Variants in ADGRL3 observed in about 807,000 individuals in gnomAD.
The protein encoded by ADGRL3 is adhesion G protein-coupled receptor L3.
A neutral mutation model predicts 153.5 loss-of-function variants in ADGRL3; 62 were observed. That is an observed-to-expected ratio of 0.40 (90% CI 0.33 to 0.50). The LOEUF is 0.50. ADGRL3 is among the 20% of genes least tolerant of loss of function. The probability of loss-of-function intolerance (pLI) is 0.47; values close to 1 mark genes in which losing one functional copy is unlikely to be tolerated. For synonymous variants in ADGRL3, 710 were observed against 672.5 expected (o/e 1.06, Z -0.86); for missense variants, 1,641 against 1,859.4 (o/e 0.88, Z 2.16).
chr4:61,780,097 G>C (rs933337625), intron 8 of ADGRL3, among the ~76,000 whole-genome samples: 1 of 152,224 alleles, frequency 6.6e-6, no homozygotes, highest in African/African-American at 2.4e-5. Context: ...TTAAGAAGCT[G>C]TGGAGCAATA....
chr4:61,656,704 T>A (rs1188946714), intron 5 of ADGRL3, among the ~76,000 whole-genome samples: 4 of 152,202 alleles, frequency 2.6e-5, no homozygotes, highest in African/African-American at 9.6e-5. Context: ...GGGTCACTAC[T>A]GACAGAAAGG....
intron 5 of ADGRL3, among the ~76,000 whole-genome samples, chr4:61,644,162 T>A (rs996226603): frequency 7.1e-6 from 1 of 139,912 alleles, no homozygotes; most frequent in African/African-American, 2.7e-5. Context: ...TTATTGTGTC[T>A]ATTTGATTCT....
intron 9 of ADGRL3, among the ~76,000 whole-genome samples, chr4:61,840,261 G>C (rs981736795): frequency 6.6e-6 from 1 of 151,738 alleles, no homozygotes; most frequent in African/African-American, 2.4e-5. Flanking sequence ...TGTATTTTTT[G>C]TGGAGACGGT....
intron 9 of ADGRL3, among the ~76,000 whole-genome samples, chr4:61,857,513 G>A (rs1334700214): frequency 2.6e-5 from 4 of 152,112 alleles, no homozygotes; most frequent in Non-Finnish European, 4.4e-5. Context: ...TAAGAGTGGT[G>A]TCAAAACAGC....
intron 17 of ADGRL3, among the ~76,000 whole-genome samples, chr4:61,978,382 CTTTAAATA>C (rs1311093364): frequency 2.6e-5 from 4 of 151,584 alleles, no homozygotes; most frequent in African/African-American, 9.7e-5. Flanking sequence ...ATGTTTGTGA[CTTTAAATA>C]TAGTACACTG....
chr4:61,411,799 A>G (rs1341789371), intron 2 of ADGRL3, among the ~76,000 whole-genome samples: 1 of 152,192 alleles, frequency 6.6e-6, no homozygotes, highest in Non-Finnish European at 1.5e-5. Flanking sequence ...GTCAGGAAAT[A>G]CTTGGGGTAT....
chr4:61,602,268 A>G (rs2099015243), intron 5 of ADGRL3, among the ~76,000 whole-genome samples: 1 of 152,128 alleles, frequency 6.6e-6, no homozygotes, highest in Non-Finnish European at 1.5e-5. Context: ...CTTTTCCAGA[A>G]AAACCCACTT....
intron 5 of ADGRL3, among the ~76,000 whole-genome samples, chr4:61,645,286 T>TGCTCCAATTTAA (rs2093918212): frequency 6.6e-6 from 1 of 152,046 alleles, no homozygotes. Flanking sequence ...TCTATTTACA[T>TGCTCCAATTTAA]TTAAAGTTAA....
At chr4:61,747,394 GA>G (rs1307278072) in intron 8 of ADGRL3, among the ~76,000 whole-genome samples, 2 of 151,956 alleles carry the variant, frequency 1.3e-5, no homozygotes, top group Non-Finnish European at 2.9e-5. Flanking sequence ...GCCTGGCAGA[GA>G]CACAACCAAA....
intron 4 of ADGRL3, among the ~76,000 whole-genome samples, chr4:61,585,653 CAGTT>C (rs1197278436): frequency 2.0e-5 from 3 of 152,098 alleles, no homozygotes; most frequent in African/African-American, 7.2e-5. Context: ...ACTTATTTGA[CAGTT>C]AGTAAACGCT....
At chr4:61,603,380 A>G (rs1195318693) in intron 5 of ADGRL3, among the ~76,000 whole-genome samples, 4 of 152,184 alleles carry the variant, frequency 2.6e-5, no homozygotes, top group African/African-American at 9.7e-5. Flanking sequence ...AATGAGTTAC[A>G]CTTGTAAGGA....
At chr4:61,368,858 T>A (rs1578470536) in intron 1 of ADGRL3, among the ~76,000 whole-genome samples, 1 of 152,326 alleles carries the variant, frequency 6.6e-6, no homozygotes, top group African/African-American at 2.4e-5. Flanking sequence ...TTCCTACCCA[T>A]GAGCATGGAA....
At position 61,327,607 on chromosome 4, in the gene ADGRL3, A is replaced by G. The variant is rs2095491882; in HGVS notation, c.-239-55517A>G. 2.6e-5 allele frequency among the ~76,000 whole-genome samples: 4 copies of G among 152,150 alleles called. 1 individual carries two copies. In the Middle Eastern group the frequency reaches 0.014, roughly 518 times the overall value. On this transcript the variant is annotated intron_variant, in intron 1 of 26. Coordinates refer to ENST00000683033, the MANE Select transcript of ADGRL3 (RefSeq NM_001387552.1). ...AAGGACTGATTTTGGAGTCATGAGC[A>G]TACAGGTGGCAGTTGAAATTCTAGG...
At chr4:61,455,163 T>C (rs2097720145) in intron 2 of ADGRL3, among the ~76,000 whole-genome samples, 1 of 152,154 alleles carries the variant, frequency 6.6e-6, no homozygotes, top group African/African-American at 2.4e-5. Flanking sequence ...TTTCTGGATT[T>C]GGAACACTTC....
At chr4:61,262,480 G>T (rs2092593786) in intron 1 of ADGRL3, among the ~76,000 whole-genome samples, 1 of 151,894 alleles carries the variant, frequency 6.6e-6, no homozygotes, top group South Asian at 2.1e-4. Flanking sequence ...AAAAAATTGG[G>T]CAACATTTGC....
chr4:62,024,803 G>A (rs562501874), intron 21 of ADGRL3, among the ~76,000 whole-genome samples: 11 of 151,766 alleles, frequency 7.2e-5, no homozygotes, highest in African/African-American at 1.4e-4. Flanking sequence ...GGTGGTATGC[G>A]CCTGTATTCC....
At chr4:61,414,096 C>T (rs1461556390) in intron 2 of ADGRL3, among the ~76,000 whole-genome samples, 1 of 152,162 alleles carries the variant, frequency 6.6e-6, no homozygotes, top group Non-Finnish European at 1.5e-5. Flanking sequence ...TTTATCAACT[C>T]TGTAGGAAAA....
chr4:61,501,390 A>G (rs1186933293), intron 3 of ADGRL3, among the ~76,000 whole-genome samples: 1 of 152,174 alleles, frequency 6.6e-6, no homozygotes, highest in African/African-American at 2.4e-5. Context: ...TTGGCATTTG[A>G]TAAACCTTTC....
At chr4:61,852,940 A>C (rs1441479567) in intron 9 of ADGRL3, among the ~76,000 whole-genome samples, 1 of 152,094 alleles carries the variant, frequency 6.6e-6, no homozygotes, top group East Asian at 1.9e-4. Context: ...ACTAGAAAGG[A>C]AACTTTAGTG....
Sources: gnomAD v4.1 joint callset for allele counts (sites outside exome capture counted in the v4.1 genomes callset) on GRCh38, gnomAD v4.1.1 for gene constraint, MANE v1.5 for transcripts, NCBI Gene and HGNC (gene_info 2026-07-23, HGNC 2026-07-21) for gene names.